The following FOXP1 variants were observed in gnomAD, a reference collection of about 807,000 sequenced individuals.
FOXP1 encodes forkhead box P1, also known as forkhead box protein P1.
Under a neutral mutation model 98.2 loss-of-function variants are expected in FOXP1, and 15 were observed. The ratio of observed to expected loss-of-function variants is 0.15; its 90% CI spans 0.10 to 0.24. The LOEUF (loss-of-function observed/expected upper bound fraction) is 0.24. Among genes scored for constraint, FOXP1 ranks in the 10% least tolerant of loss-of-function variants. The pLI is 1.00. For missense variants in FOXP1, 633 were observed against 848.5 expected (o/e 0.75, Z 3.15); for synonymous variants, 371 against 314.5 (o/e 1.18, Z -1.90).
At chr3:71,583,844 G>A, upstream of FOXP1, 1 of 986,280 alleles carries the variant, frequency 1.0e-6, no homozygotes, top group Non-Finnish European at 1.2e-6. Context: ...GGGCAGCACC[G>A]GCCCGGGGGC....
intron 4 of FOXP1, among the ~76,000 whole-genome samples, chr3:71,355,030 A>G (rs1280913113): frequency 1.3e-5 from 2 of 152,226 alleles, no homozygotes; most frequent in African/African-American, 4.8e-5. Context: ...GGGGAAGATA[A>G]TGTATAACCC....
chr3:71,333,342 T>G (rs980253506), intron 4 of FOXP1: 3 of 152,110 alleles, frequency 2.0e-5, no homozygotes, highest in Non-Finnish European at 4.4e-5. Context: ...AAAAATCACT[T>G]TCACGTAAAA....
At chr3:71,234,009 C>A (rs189402423) in intron 5 of FOXP1, among the ~76,000 whole-genome samples, 1 of 152,240 alleles carries the variant, frequency 6.6e-6, no homozygotes, top group African/African-American at 2.4e-5. Context: ...GGTTTTTATA[C>A]AACCCACACT....
chr3:71,242,086 GA>G (rs961557841), intron 5 of FOXP1, among the ~76,000 whole-genome samples: 1 of 152,194 alleles, frequency 6.6e-6, no homozygotes, highest in Admixed American at 6.5e-5. Context: ...CCCTGCTCTT[GA>G]AAGTGACAAA....
At chr3:71,527,105 G>A (rs774722798) in intron 2 of FOXP1, among the ~76,000 whole-genome samples, 5 of 152,096 alleles carry the variant, frequency 3.3e-5, no homozygotes, top group Non-Finnish European at 7.3e-5. Flanking sequence ...AAGGCCCAGA[G>A]CCTAAGAAGA....
chr3:71,175,852 T>A (rs1314513870), intron 6 of FOXP1, among the ~76,000 whole-genome samples: 1 of 152,226 alleles, frequency 6.6e-6, no homozygotes, highest in Admixed American at 6.5e-5. Context: ...TAAGCAATTG[T>A]TCTTTGTTGA....
chr3:71,084,417 T>C (rs978391077), intron 7 of FOXP1, among the ~76,000 whole-genome samples: 2 of 152,188 alleles, frequency 1.3e-5, no homozygotes, highest in African/African-American at 4.8e-5. Flanking sequence ...CATGGGTTTG[T>C]TTCTCATTTT....
chr3:71,144,622 C>A (rs1226726434), intron 6 of FOXP1, among the ~76,000 whole-genome samples: 2 of 152,046 alleles, frequency 1.3e-5, no homozygotes, highest in African/African-American at 2.4e-5. Flanking sequence ...ACAGAACGGG[C>A]GAGGAGGCTG....
chr3:71,243,879 C>T (rs1041018265), intron 5 of FOXP1, among the ~76,000 whole-genome samples: 2 of 152,100 alleles, frequency 1.3e-5, no homozygotes, highest in Admixed American at 1.3e-4. Flanking sequence ...TAAACCTCCA[C>T]CTTGGCTCCA....
intron 5 of FOXP1, among the ~76,000 whole-genome samples, chr3:71,272,145 C>A (rs1016044644): frequency 6.6e-6 from 1 of 152,098 alleles, no homozygotes; most frequent in Non-Finnish European, 1.5e-5. Flanking sequence ...AAAACAACCA[C>A]CGAACAAGGC....
At chr3:71,422,487 G>A (rs1210525777) in intron 3 of FOXP1, among the ~76,000 whole-genome samples, 1 of 152,156 alleles carries the variant, frequency 6.6e-6, no homozygotes, top group Middle Eastern at 3.2e-3. Context: ...GAGCAGTGAG[G>A]GCATGGGGTC....
intron 11 of FOXP1, chr3:71,040,498 A>G (rs773311201): frequency 1.3e-5 from 2 of 152,188 alleles, no homozygotes; most frequent in African/African-American, 2.4e-5. Flanking sequence ...GCACTTCAAC[A>G]GTGGTATTAA....
chr3:71,295,870 T>C (rs994610793), intron 5 of FOXP1, among the ~76,000 whole-genome samples: 11 of 152,242 alleles, frequency 7.2e-5, no homozygotes, highest in Non-Finnish European at 1.2e-4. Context: ...CATCCCTCTT[T>C]AGTTTCCATC....
chr3:71,002,647 G>C (rs1005920937), intron 12 of FOXP1, among the ~76,000 whole-genome samples: 8 of 152,140 alleles, frequency 5.3e-5, no homozygotes, highest in Non-Finnish European at 1.2e-4. Flanking sequence ...AAAAGTTTTA[G>C]CCTATGTTTT....
chr3:70,983,052 C>G (rs534773108), intron 14 of FOXP1, among the ~76,000 whole-genome samples: 10 of 152,358 alleles, frequency 6.6e-5, no homozygotes, highest in Admixed American at 3.3e-4. Flanking sequence ...GCATGAATCA[C>G]TGAGTTCAGA....
At chr3:71,577,031 T>C (rs2047773698) in intron 2 of FOXP1, among the ~76,000 whole-genome samples, 1 of 152,184 alleles carries the variant, frequency 6.6e-6, no homozygotes, top group Admixed American at 6.5e-5. Context: ...CAAGCCAATC[T>C]GGTCAATAGA....
intron 3 of FOXP1, among the ~76,000 whole-genome samples, chr3:71,479,465 G>C (rs1004713871): frequency 6.6e-6 from 1 of 151,986 alleles, no homozygotes; most frequent in African/African-American, 2.4e-5. Context: ...GATCACCTGA[G>C]GTCAGGAGTT....
intron 5 of FOXP1, among the ~76,000 whole-genome samples, chr3:71,269,357 T>C (rs1473260740): frequency 6.6e-6 from 1 of 152,156 alleles, no homozygotes; most frequent in Non-Finnish European, 1.5e-5. Context: ...AAAAAGATTC[T>C]GCAAAACTAA....
intron 3 of FOXP1, among the ~76,000 whole-genome samples, chr3:71,432,439 C>A (rs1257184352): frequency 6.6e-6 from 1 of 152,180 alleles, no homozygotes; most frequent in Non-Finnish European, 1.5e-5. Flanking sequence ...AATTGACGCA[C>A]CCCTCCCGGG....
Sources: gnomAD v4.1 joint callset for allele counts (sites outside exome capture counted in the v4.1 genomes callset) on GRCh38, gnomAD v4.1.1 for gene constraint, MANE v1.5 for transcripts, NCBI Gene and HGNC (gene_info 2026-07-23, HGNC 2026-07-21) for gene names.